The following ATP10A variants were observed in gnomAD, a reference collection of about 807,000 sequenced individuals.
The protein encoded by ATP10A is phospholipid-transporting ATPase VA.
A neutral mutation model predicts 147.8 loss-of-function variants in ATP10A; 111 were observed. The ratio of observed to expected loss-of-function variants is 0.75; its 90% CI spans 0.64 to 0.88. The LOEUF is 0.88. Ranked by LOEUF, ATP10A falls within the 40% of genes least tolerant of loss-of-function variation. ATP10A has a pLI of 0.00. For missense variants in ATP10A, 1,927 were observed against 1,959.0 expected (o/e 0.98, Z 0.31); for synonymous variants, 875 against 841.6 (o/e 1.04, Z -0.69).
chr15:25,766,086 A>G (rs758783839), intron 2 of ATP10A, among the ~76,000 whole-genome samples: 6 of 152,216 alleles, frequency 3.9e-5, no homozygotes, highest in African/African-American at 1.2e-4. Flanking sequence ...CACTTCTTAC[A>G]TGGTGGCGGC....
chr15:25,711,899 T>C (rs1291403571), intron 10 of ATP10A, among the ~76,000 whole-genome samples: 1 of 152,118 alleles, frequency 6.6e-6, no homozygotes, highest in South Asian at 2.1e-4. Context: ...TTGTGGATTG[T>C]CTTGTAACCG....
At chr15:25,700,695 G>A (rs10873606) in intron 13 of ATP10A, among the ~76,000 whole-genome samples, 48,788 of 151,954 alleles carry the variant, frequency 0.32, 8,767 homozygotes, top group East Asian at 0.49. Flanking sequence ...ACAATTGCAC[G>A]GGGGTAGCAT....
intron 1 of ATP10A, among the ~76,000 whole-genome samples, chr15:25,790,144 C>T (rs2140741331): frequency 6.6e-6 from 1 of 152,290 alleles, no homozygotes; most frequent in African/African-American, 2.4e-5. Flanking sequence ...ACTGAAACAT[C>T]TGCTCCTTCA....
chr15:25,683,938 G>A (rs560016409), intron 16 of ATP10A: 64 of 170,866 alleles, frequency 3.7e-4, no homozygotes, highest in Middle Eastern at 3.0e-3. Context: ...CTCTGCTCCT[G>A]TCTCTTCTTT....
intron 5 of ATP10A, 99 bp from the exon 6 acceptor site, chr15:25,724,120 G>A: frequency 7.9e-7 from 1 of 1,258,500 alleles, no homozygotes; most frequent in South Asian, 2.0e-5. Context: ...GTTACCTGAT[G>A]CAAGCACATT....
chr15:25,736,739 C>A (rs1219787399), intron 2 of ATP10A, among the ~76,000 whole-genome samples: 1 of 151,926 alleles, frequency 6.6e-6, no homozygotes, highest in Admixed American at 6.6e-5. Context: ...ATAAGAAAGG[C>A]TTAGGAGTGG....
At chr15:25,833,832 C>T (rs755850860) in intron 1 of ATP10A, among the ~76,000 whole-genome samples, 10 of 151,982 alleles carry the variant, frequency 6.6e-5, no homozygotes, top group East Asian at 1.9e-4. Context: ...ATAAGCCGGG[C>T]GTGGTGGTGG....
At chr15:25,736,836 C>G (rs1185074814) in intron 2 of ATP10A, among the ~76,000 whole-genome samples, 1 of 152,184 alleles carries the variant, frequency 6.6e-6, no homozygotes, top group Non-Finnish European at 1.5e-5. Flanking sequence ...TTTATCAGCT[C>G]TCTGGTCAGG....
At chr15:25,703,123 C>T (rs546698833) in intron 12 of ATP10A, among the ~76,000 whole-genome samples, 3 of 152,266 alleles carry the variant, frequency 2.0e-5, no homozygotes, top group East Asian at 3.9e-4. Context: ...TTCGGGAGGC[C>T]GTGGCGGGCG....
At position 25,702,986 on chromosome 15, in the gene ATP10A, G is replaced by A. The variant is rs115920627; in HGVS notation, c.2576-886C>T. ...CCCCAGTGTGGTAGTATTAGGATGT[G>A]GGGCCTGCAGGAGGTAATTAAGTTC... On this transcript the variant is annotated intron_variant, in intron 12 of 20. Coordinates refer to ENST00000555815, the MANE Select transcript of ATP10A (RefSeq NM_024490.4). Among the ~76,000 whole-genome samples the A allele has an allele frequency of 4.2e-3, 642 of 152,220 alleles. 6 individuals are homozygous for A. The highest frequency in any genetic ancestry group is 0.015 in the African/African-American group (609 of 41,516).
At chr15:25,821,531 C>T (rs1596953405) in intron 1 of ATP10A, among the ~76,000 whole-genome samples, 1 of 152,216 alleles carries the variant, frequency 6.6e-6, no homozygotes, top group African/African-American at 2.4e-5. Context: ...AAGGGGGTGG[C>T]CCAGTGTCAG....
At chr15:25,778,375 G>A (rs1889730393) in intron 2 of ATP10A, among the ~76,000 whole-genome samples, 1 of 152,004 alleles carries the variant, frequency 6.6e-6, no homozygotes, top group African/African-American at 2.4e-5. Flanking sequence ...AATTGCTGGG[G>A]TTTAAAAGTC....
At chr15:25,715,464 G>T (rs1901740139) in intron 9 of ATP10A, among the ~76,000 whole-genome samples, 1 of 152,258 alleles carries the variant, frequency 6.6e-6, no homozygotes, top group Non-Finnish European at 1.5e-5. Flanking sequence ...AAGCCTCAAT[G>T]ACGCTGCCAT....
intron 5 of ATP10A, 73 bp downstream of exon 5, chr15:25,725,878 A>G: frequency 1.3e-6 from 2 of 1,487,738 alleles, no homozygotes; most frequent in Non-Finnish European, 1.8e-6. Context: ...TCGGCCTCCC[A>G]AAGTGCTAGG....
chr15:25,697,672 A>G (rs1252233451), intron 13 of ATP10A, among the ~76,000 whole-genome samples: 1 of 152,224 alleles, frequency 6.6e-6, no homozygotes, highest in East Asian at 1.9e-4. Flanking sequence ...TGGATTCTAA[A>G]TCATCTATGT....
intron 6 of ATP10A, 145 bp from the exon 7 acceptor site, chr15:25,722,054 T>C: frequency 1.1e-6 from 1 of 883,736 alleles, no homozygotes; most frequent in Non-Finnish European, 1.7e-6. Context: ...AATAGGTTGG[T>C]TTAGAGTCAG....
At chr15:25,680,435 C>T in intron 19 of ATP10A, 127 bp from the exon 20 acceptor site, 1 of 1,029,382 alleles carries the variant, frequency 9.7e-7, no homozygotes, top group Non-Finnish European at 1.4e-6. Context: ...ACACTGCGGT[C>T]TATGACGCGG....
chr15:25,860,999 C>T (rs11634423), intron 1 of ATP10A, among the ~76,000 whole-genome samples: 72,621 of 152,048 alleles, frequency 0.48, 20,832 homozygotes, highest in Admixed American at 0.61. Context: ...GTGGAGGCCT[C>T]GCTCAGGGGA....
At chr15:25,691,873 G>A (rs1420319619) in intron 14 of ATP10A, 82 bp from the exon 15 acceptor site, 2 of 1,553,192 alleles carry the variant, frequency 1.3e-6, no homozygotes, top group Non-Finnish European at 1.8e-6. Context: ...TTTCTTGGGA[G>A]TCCCCGCTGA....
Sources: allele counts gnomAD v4.1 joint callset (sites outside exome capture counted in the v4.1 genomes callset), GRCh38; gene constraint gnomAD v4.1.1; transcripts MANE v1.5; gene names NCBI Gene and HGNC (gene_info 2026-07-23, HGNC 2026-07-21).